Variants in PTPRJ observed in about 807,000 individuals in gnomAD.
The protein encoded by PTPRJ is receptor-type tyrosine-protein phosphatase eta.
In PTPRJ, 129 loss-of-function variants were observed where a neutral mutation model predicts 141.3. The observed-to-expected ratio is 0.91, with a 90% CI of 0.79 to 1.06. The LOEUF (loss-of-function observed/expected upper bound fraction) is 1.06, where lower values mean the gene tolerates loss of function less well. Among genes scored for constraint, PTPRJ ranks in the 50% least tolerant of loss-of-function variants. The probability of loss-of-function intolerance (pLI) is 0.00; values close to 1 mark genes in which losing one functional copy is unlikely to be tolerated. For missense variants in PTPRJ, 1,601 were observed against 1,679.7 expected (o/e 0.95, Z 0.82); for synonymous variants, 610 against 640.5 (o/e 0.95, Z 0.72).
At position 48,074,004 on chromosome 11, in the gene PTPRJ, G is replaced by A. The variant is rs145985267; in HGVS notation, c.97-36054G>A. Among the ~76,000 whole-genome samples the A allele has an allele frequency of 3.0e-3, 457 of 152,164 alleles. 2 individuals are homozygous for A. Among genetic ancestry groups the A allele is most frequent in the African/African-American group, 0.01 (427 of 41,502 alleles). ...GTAGCATATTTCTATTTTTGAGACAGGATCTTACTCTGTCACCCAGGCTGG... is the reference window on the plus strand; with the variant it reads ...GTAGCATATTTCTATTTTTGAGACAAGATCTTACTCTGTCACCCAGGCTGG... On this transcript the variant is annotated intron_variant, in intron 1 of 24. Coordinates refer to ENST00000418331, the MANE Select transcript of PTPRJ (RefSeq NM_002843.4).
intron 1 of PTPRJ, among the ~76,000 whole-genome samples, chr11:48,069,445 A>ATTTTTTTTTTTTTTTTT (rs35405916): frequency 8.2e-6 from 1 of 121,322 alleles, no homozygotes; most frequent in Non-Finnish European, 1.7e-5. Context: ...TACATTGATA[A>ATTTTTTTTTTTTTTTTT]TTTTTTTTTT....
intron 1 of PTPRJ, among the ~76,000 whole-genome samples, chr11:48,018,171 GTTTT>G: frequency 7.3e-6 from 1 of 137,214 alleles, no homozygotes; most frequent in Non-Finnish European, 1.6e-5. Flanking sequence ...TTTCCTTCCT[GTTTT>G]TTTTTTTTTC....
chr11:48,007,142 C>T (rs1854643444), intron 1 of PTPRJ, among the ~76,000 whole-genome samples: 1 of 151,914 alleles, frequency 6.6e-6, no homozygotes. Flanking sequence ...GCTTTGTCTC[C>T]CAGGCTGGAG....
chr11:47,988,638 G>C (rs1854111845), intron 1 of PTPRJ, among the ~76,000 whole-genome samples: 1 of 152,076 alleles, frequency 6.6e-6, no homozygotes, highest in South Asian at 2.1e-4. Context: ...GTTTCTGGTG[G>C]ATATTTCTTG....
At chr11:48,107,260 A>G (rs1856317357) in intron 1 of PTPRJ, among the ~76,000 whole-genome samples, 1 of 152,178 alleles carries the variant, frequency 6.6e-6, no homozygotes, top group Admixed American at 6.5e-5. Flanking sequence ...AAGGAAAAAA[A>G]AAAAGAGAAA....
intron 1 of PTPRJ, among the ~76,000 whole-genome samples, chr11:48,022,378 C>T (rs913734671): frequency 1.3e-5 from 2 of 151,664 alleles, no homozygotes; most frequent in African/African-American, 4.8e-5. Context: ...GCAGGAGAAT[C>T]GCTTGAACCT....
At chr11:48,120,922 A>C (rs1856687367) in intron 3 of PTPRJ, 81 bp from the exon 4 acceptor site, 1 of 1,296,852 alleles carries the variant, frequency 7.7e-7, no homozygotes, top group Admixed American at 2.8e-5. Context: ...TCACTTCTGG[A>C]AACTAGACAT....
At chr11:48,022,689 T>C (rs1020855876) in intron 1 of PTPRJ, among the ~76,000 whole-genome samples, 14 of 152,020 alleles carry the variant, frequency 9.2e-5, no homozygotes, top group African/African-American at 3.1e-4. Flanking sequence ...GTGGGGGTAG[T>C]GCCAAGACCA....
At chr11:47,987,170 C>T (rs1387202828) in intron 1 of PTPRJ, among the ~76,000 whole-genome samples, 1 of 151,828 alleles carries the variant, frequency 6.6e-6, no homozygotes, top group Non-Finnish European at 1.5e-5. Context: ...GATAGCGCCA[C>T]TGCACTCCAA....
rs553409299 is a variant in PTPRJ, at chr11:48,145,279, G to T, written c.2911+155G>T. Reference sequence around the variant, plus strand: ...GAGGTTGAGATGTCACTGGGTCACCGGGCTTACTGGGCTTCCTCCTCCGAG... The same window carrying T: ...GAGGTTGAGATGTCACTGGGTCACCTGGCTTACTGGGCTTCCTCCTCCGAG... On this transcript the variant is annotated intron_variant, in intron 14 of 24. Coordinates refer to ENST00000418331, the MANE Select transcript of PTPRJ (RefSeq NM_002843.4). Among the ~76,000 whole-genome samples the T allele has an allele frequency of 2.0e-5, 3 of 152,238 alleles. No homozygotes were observed. The South Asian group carries it at 6.2e-4, about 32-fold the overall frequency.
In PTPRJ at chr11:48,130,459, C is replaced by T. The variant is rs145863492; in HGVS notation, c.1358C>T (p.Pro453Leu). Residue 453 changes from proline (P) to leucine (L), a missense_variant and splice_region_variant, in exon 8 of 25, where the codon CCC (proline) becomes CTC (leucine). Physicochemically the swap from Pro to Leu is moderately conservative, Grantham distance 98. Coordinates refer to ENST00000418331, the MANE Select transcript of PTPRJ (RefSeq NM_002843.4). ...CTAGTTGTTTACTTTCTTTGCATAG[C>T]CCCTGTTCCAGTTTCTGACTTCCGA... is the stretch of plus-strand genomic sequence containing the variant. ...GTPGFLQVHT[P>L]PVPVSDFRVT... 5.9e-5 allele frequency: 95 copies of T among 1,609,582 alleles called. 1 individual carries two copies. In the African/African-American group the frequency reaches 1.0e-3, roughly 17 times the overall value.
rs1857938127 is a variant in PTPRJ, at chr11:48,167,251, C to T, written c.3903C>T (p.Ser1301=). Residue 1301 remains serine (S), a synonymous_variant, in exon 25 of 25, where the codon TCC becomes TCT. Transcript: ENST00000418331. Reference sequence around the variant, plus strand: ...AGTGTGTTTTGGATATTGTCAGATCCCAGAAAGACTCAAAAGTAGATCTTA... The same window carrying T: ...AGTGTGTTTTGGATATTGTCAGATCTCAGAAAGACTCAAAAGTAGATCTTA... ...LNQCVLDIVR[S]QKDSKVDLIY... is the part of the protein sequence containing the mutation. 3.1e-6 allele frequency: 5 copies of T among 1,612,496 alleles called. No homozygotes were observed. Among genetic ancestry groups the T allele is most frequent in the Non-Finnish European group, 4.2e-6 (5 of 1,178,716 alleles).
intron 4 of PTPRJ, 67 bp from the exon 5 acceptor site, chr11:48,123,544 CCA>C: frequency 6.7e-7 from 1 of 1,501,408 alleles, no homozygotes; most frequent in Non-Finnish European, 9.0e-7. Flanking sequence ...GCACTGAACC[CCA>C]GTCATTCTTA....
rs1393513271 is a variant in PTPRJ, at chr11:48,158,890, T to G, written c.3439-1040T>G. On this transcript the variant is annotated intron_variant, in intron 21 of 24. Transcript: ENST00000418331. The surrounding 1 kb of genome is among the most constrained non-coding windows in gnomAD (Gnocchi z 4.4). The stretch of plus-strand genomic sequence containing the variant: ...TCACTTGAGCCTGAGAGGTTGAGGC[T>G]GCAGTGAGCCGTGATCGTGCCATTG... 6.6e-6 allele frequency among the ~76,000 whole-genome samples: 1 copy of G among 152,104 alleles called. No individual in the cohort carries two copies. The highest frequency in any genetic ancestry group is 2.4e-5 in the African/African-American group (1 of 41,402).
chr11:48,061,770 C>G (rs10838796), intron 1 of PTPRJ, among the ~76,000 whole-genome samples: 2 of 151,982 alleles, frequency 1.3e-5, no homozygotes, highest in African/African-American at 4.8e-5. Flanking sequence ...AAATACCCCC[C>G]CTACTTATTA....
intron 1 of PTPRJ, among the ~76,000 whole-genome samples, chr11:48,058,279 C>T (rs1360770836): frequency 6.6e-6 from 1 of 152,218 alleles, no homozygotes; most frequent in Non-Finnish European, 1.5e-5. Context: ...GATCATAGCT[C>T]ACTGCACCTT....
chr11:48,163,679 T>C, intron 23 of PTPRJ, 61 bp downstream of exon 23: 3 of 1,519,482 alleles, frequency 2.0e-6, no homozygotes, highest in Non-Finnish European at 2.7e-6. Context: ...TTATGAGCAC[T>C]TTACAAAAGC....
intron 1 of PTPRJ, among the ~76,000 whole-genome samples, chr11:48,096,401 T>C (rs1338976458): frequency 6.6e-6 from 1 of 152,106 alleles, no homozygotes; most frequent in African/African-American, 2.4e-5. Flanking sequence ...ATTTGTTGGA[T>C]TGCTGGATTT....
intron 1 of PTPRJ, among the ~76,000 whole-genome samples, chr11:48,063,362 G>T (rs896558201): frequency 1.3e-5 from 2 of 152,094 alleles, no homozygotes; most frequent in Non-Finnish European, 2.9e-5. Flanking sequence ...AAGAACAAAA[G>T]AAAAAACCCC....
Sources: gnomAD v4.1 joint callset for allele counts (sites outside exome capture counted in the v4.1 genomes callset) on GRCh38, gnomAD v4.1.1 for gene constraint, Gnocchi (gnomAD v3.1) non-coding constraint, MANE v1.5 for transcripts, NCBI Gene and HGNC (gene_info 2026-07-23, HGNC 2026-07-21) for gene names.